CSMD1: variants seen among roughly 807,000 people sequenced by gnomAD.
The protein encoded by CSMD1 is CUB and sushi domain-containing protein 1.
Under a neutral mutation model 417.5 loss-of-function variants are expected in CSMD1, and 213 were observed. The observed-to-expected ratio is 0.51, with a 90% CI of 0.46 to 0.57. The LOEUF is 0.57. Ranked by LOEUF, CSMD1 falls within the 20% of genes least tolerant of loss-of-function variation. The pLI is 0.00. For missense variants in CSMD1, 6,923 were observed against 4,529.7 expected (o/e 1.53, Z -15.17); for synonymous variants, 2,862 against 1,736.8 (o/e 1.65, Z -16.11).
Position 4,223,747 on chromosome 8 carries a change from G to C in CSMD1, c.416-191648C>G, listed in dbSNP as rs373749924. On this transcript the variant is annotated intron_variant, in intron 3 of 69. Coordinates refer to ENST00000635120, the MANE Select transcript of CSMD1 (RefSeq NM_033225.6). ...ATGAGGAATTTGGGTCAGATTCTCA[G>C]AATATTTCTAGCAAAGGTGACCTAG... 1.6e-4 allele frequency among the ~76,000 whole-genome samples: 24 copies of C among 152,160 alleles called. 1 individual carries two copies. Among genetic ancestry groups the C allele is most frequent in the Admixed American group, 5.2e-4 (8 of 15,274 alleles).
chr8:2,958,371 C>A (rs1484463204), intron 62 of CSMD1, among the ~76,000 whole-genome samples: 1 of 152,220 alleles, frequency 6.6e-6, no homozygotes, highest in Non-Finnish European at 1.5e-5. Context: ...ACATCCGCTG[C>A]AGATTCTTCT....
At chr8:4,081,577 G>C (rs1049745362) in intron 3 of CSMD1, among the ~76,000 whole-genome samples, 9 of 152,190 alleles carry the variant, frequency 5.9e-5, no homozygotes, top group African/African-American at 1.9e-4. Flanking sequence ...AGTTGACCCA[G>C]AACACTATAC....
chr8:2,966,467 A>G, intron 58 of CSMD1, 103 bp downstream of exon 58: 1 of 1,029,972 alleles, frequency 9.7e-7, no homozygotes, highest in African/African-American at 1.6e-5. Flanking sequence ...TCCTCTATGA[A>G]TTAAAAATAA....
intron 3 of CSMD1, among the ~76,000 whole-genome samples, chr8:4,329,156 G>C (rs998081291): frequency 6.6e-6 from 1 of 152,046 alleles, no homozygotes; most frequent in South Asian, 2.1e-4. Flanking sequence ...TTGAATGCAC[G>C]GTTCTCATCA....
At chr8:3,516,709 G>A (rs1797296724) in intron 10 of CSMD1, among the ~76,000 whole-genome samples, 1 of 152,204 alleles carries the variant, frequency 6.6e-6, no homozygotes, top group Non-Finnish European at 1.5e-5. Context: ...GTTCTTTGGT[G>A]GAGATTTGTG....
At chr8:3,124,529 T>C (rs1326318776) in intron 41 of CSMD1, among the ~76,000 whole-genome samples, 4 of 152,192 alleles carry the variant, frequency 2.6e-5, no homozygotes, top group Non-Finnish European at 5.9e-5. Flanking sequence ...GGAAATAGTA[T>C]GTGTTCTAAA....
At chr8:4,992,536 G>A (rs903308416) in intron 1 of CSMD1, among the ~76,000 whole-genome samples, 1 of 152,200 alleles carries the variant, frequency 6.6e-6, no homozygotes, top group African/African-American at 2.4e-5. Flanking sequence ...TCTCCACGCA[G>A]GGGCTCGGCT....
At chr8:4,101,077 G>A (rs1311218736) in intron 3 of CSMD1, among the ~76,000 whole-genome samples, 1 of 152,114 alleles carries the variant, frequency 6.6e-6, no homozygotes, top group Admixed American at 6.6e-5. Context: ...AGACGGCGCT[G>A]GGTTCAGAAC....
At chr8:4,306,988 C>A (rs1798283837) in intron 3 of CSMD1, among the ~76,000 whole-genome samples, 1 of 152,162 alleles carries the variant, frequency 6.6e-6, no homozygotes, top group Non-Finnish European at 1.5e-5. Context: ...CTTTTCCCAT[C>A]TGTCACCGCC....
At chr8:4,129,521 A>T (rs897913029) in intron 3 of CSMD1, among the ~76,000 whole-genome samples, 1 of 152,208 alleles carries the variant, frequency 6.6e-6, no homozygotes, top group African/African-American at 2.4e-5. Flanking sequence ...TTGCCAGGGC[A>T]TAGGAATCCG....
At chr8:4,815,299 T>C (rs1354923308) in intron 1 of CSMD1, among the ~76,000 whole-genome samples, 1 of 152,108 alleles carries the variant, frequency 6.6e-6, no homozygotes, top group Non-Finnish European at 1.5e-5. Context: ...TGTCCTTCCC[T>C]GCTCAGCCTT....
intron 5 of CSMD1, among the ~76,000 whole-genome samples, chr8:3,757,800 G>T (rs1256697581): frequency 6.6e-6 from 1 of 151,802 alleles, no homozygotes; most frequent in African/African-American, 2.4e-5. Context: ...AGTGAGTTGA[G>T]ATCACACCAT....
intron 1 of CSMD1, among the ~76,000 whole-genome samples, chr8:4,991,503 C>G (rs1811459423): frequency 6.6e-6 from 1 of 152,204 alleles, no homozygotes. Flanking sequence ...CCCCACGCAT[C>G]AAAAACTCTG....
chr8:4,768,943 A>G (rs1387987678), intron 1 of CSMD1, among the ~76,000 whole-genome samples: 2 of 152,218 alleles, frequency 1.3e-5, no homozygotes, highest in African/African-American at 2.4e-5. Flanking sequence ...CCATTTACCT[A>G]AAAGTCAGGT....
chr8:4,059,181 GCTGAATGACTA>G (rs1798845972), intron 3 of CSMD1, among the ~76,000 whole-genome samples: 2 of 152,248 alleles, frequency 1.3e-5, no homozygotes, highest in East Asian at 3.9e-4. Context: ...ACAACCTGCT[GCTGAATGACTA>G]CTGGGTACAT....
chr8:4,539,228 C>G (rs2130505015), intron 2 of CSMD1, among the ~76,000 whole-genome samples: 1 of 152,302 alleles, frequency 6.6e-6, no homozygotes, highest in East Asian at 1.9e-4. Context: ...CACAAGTCAG[C>G]AGACACTAAA....
chr8:3,695,020 G>A (rs969769248), intron 7 of CSMD1, among the ~76,000 whole-genome samples: 2 of 151,754 alleles, frequency 1.3e-5, no homozygotes, highest in African/African-American at 4.8e-5. Flanking sequence ...ACGAAGACAT[G>A]AAAGGGAATT....
chr8:4,292,607 A>C (rs1489885753), intron 3 of CSMD1, among the ~76,000 whole-genome samples: 1 of 152,174 alleles, frequency 6.6e-6, no homozygotes. Flanking sequence ...AGATTAATAC[A>C]TGTAAACATG....
At chr8:4,826,576 A>T (rs534809592) in intron 1 of CSMD1, among the ~76,000 whole-genome samples, 4 of 152,266 alleles carry the variant, frequency 2.6e-5, no homozygotes, top group African/African-American at 9.6e-5. Flanking sequence ...CGTAGTTGGG[A>T]TGTCCACCTT....
Sources: gnomAD v4.1 joint callset for allele counts (sites outside exome capture counted in the v4.1 genomes callset) on GRCh38, gnomAD v4.1.1 for gene constraint, MANE v1.5 for transcripts, NCBI Gene and HGNC (gene_info 2026-07-23, HGNC 2026-07-21) for gene names.